TSNARE1: variants seen among roughly 807,000 people sequenced by gnomAD.
TSNARE1 encodes the protein t-SNARE domain-containing protein 1.
In TSNARE1, 49 loss-of-function variants were observed where a neutral mutation model predicts 62.0. The ratio of observed to expected loss-of-function variants is 0.79; its 90% CI spans 0.63 to 1.00. TSNARE1 has a LOEUF of 1.00. Ranked by LOEUF, TSNARE1 falls within the 50% of genes least tolerant of loss-of-function variation. TSNARE1 has a pLI of 0.00. For missense variants in TSNARE1, 755 were observed against 700.1 expected, an observed-to-expected ratio of 1.08 and a Z score of -0.88; for synonymous variants, 328 against 294.4, an observed-to-expected ratio of 1.11 and a Z score of -1.17.
At chr8:142,390,049 AT>A (rs1837377927) in intron 1 of TSNARE1, among the ~76,000 whole-genome samples, 1 of 152,260 alleles carries the variant, frequency 6.6e-6, no homozygotes, top group African/African-American at 2.4e-5. Flanking sequence ...GAATCTGCAT[AT>A]CTATACATAT....
At chr8:142,214,977 C>A (rs375360723) in intron 13 of TSNARE1, among the ~76,000 whole-genome samples, 6 of 152,196 alleles carry the variant, frequency 3.9e-5, no homozygotes, top group Non-Finnish European at 8.8e-5. Context: ...CCGACAAGGG[C>A]TCCCTCCCCC....
At chr8:142,318,417 G>A in intron 7 of TSNARE1, 127 bp downstream of exon 7, 1 of 924,110 alleles carries the variant, frequency 1.1e-6, no homozygotes, top group South Asian at 1.6e-5. Flanking sequence ...TGGGTGCCAG[G>A]CCAGTCTGTG....
At position 142,319,024 on chromosome 8, in the gene TSNARE1, G is replaced by A. The variant is rs1829053300; in HGVS notation, c.894-390C>T. Among the ~76,000 whole-genome samples, 1 of 151,770 alleles carries A rather than the reference G, an allele frequency of 6.6e-6. No individual in the cohort carries two copies. Among genetic ancestry groups the A allele is most frequent in the Non-Finnish European group, 1.5e-5 (1 of 67,934 alleles). ...GACGGGGGAGACGGGCAGACACACA[G>A]CAAGAGGCAGTGGGGGCAGAAAGGC... On this transcript the variant is annotated intron_variant, in intron 6 of 13. Transcript: ENST00000524325. The surrounding 1 kb of genome is among the most constrained non-coding windows in gnomAD (Gnocchi z 4.9).
chr8:142,403,943 C>T (rs1838494565), upstream of TSNARE1: 2 of 152,274 alleles, frequency 1.3e-5, no homozygotes, highest in Non-Finnish European at 2.9e-5. Flanking sequence ...TGGGAGGAAC[C>T]TGCGGACAAT....
chr8:142,374,204 T>C (rs1367454762), intron 1 of TSNARE1, among the ~76,000 whole-genome samples: 1 of 150,836 alleles, frequency 6.6e-6, no homozygotes, highest in Non-Finnish European at 1.5e-5. Flanking sequence ...CTGGGGAGGC[T>C]GAGGCAGGAG....
chr8:142,270,647 A>G (rs1819447337), intron 12 of TSNARE1: 2 of 985,370 alleles, frequency 2.0e-6, no homozygotes, highest in Non-Finnish European at 1.2e-6. Flanking sequence ...TTCAGGAGTC[A>G]CACCAGATCA....
intron 12 of TSNARE1, chr8:142,270,605 A>G: frequency 1.0e-6 from 1 of 985,172 alleles, no homozygotes; most frequent in Non-Finnish European, 1.2e-6. Context: ...CCTGCCCTCC[A>G]AGTGTGCATG....
At chr8:142,332,883 A>G (rs1831252999) in intron 4 of TSNARE1, among the ~76,000 whole-genome samples, 1 of 152,210 alleles carries the variant, frequency 6.6e-6, no homozygotes. Context: ...CCCAGCTCCC[A>G]GCAGCTTGAT....
At chr8:142,346,813 C>CA (rs1315571431) in intron 2 of TSNARE1, among the ~76,000 whole-genome samples, 1 of 152,244 alleles carries the variant, frequency 6.6e-6, no homozygotes, top group Non-Finnish European at 1.5e-5. Context: ...GCCCTTCATA[C>CA]AACCCTCAGA....
intron 10 of TSNARE1, among the ~76,000 whole-genome samples, chr8:142,299,925 A>G (rs907012892): frequency 5.3e-5 from 8 of 152,272 alleles, no homozygotes; most frequent in African/African-American, 1.9e-4. Flanking sequence ...TAAGCATTAT[A>G]CATGTGTAAA....
intron 13 of TSNARE1, among the ~76,000 whole-genome samples, chr8:142,220,680 G>A (rs148934978): frequency 1.0e-3 from 155 of 152,278 alleles, no homozygotes; most frequent in African/African-American, 3.1e-3. Flanking sequence ...CTATGGTCAC[G>A]CCCCAAAGGC....
intron 1 of TSNARE1, among the ~76,000 whole-genome samples, chr8:142,382,443 C>T (rs904601446): frequency 1.3e-5 from 2 of 152,144 alleles, no homozygotes; most frequent in Non-Finnish European, 2.9e-5. Flanking sequence ...CGGCACTGCC[C>T]GCCAGTCCCT....
intron 1 of TSNARE1, among the ~76,000 whole-genome samples, chr8:142,379,641 G>A (rs1325955053): frequency 1.3e-5 from 2 of 152,134 alleles, no homozygotes; most frequent in Non-Finnish European, 2.9e-5. Flanking sequence ...ACGGGGAGGC[G>A]CGAGACCACA....
In TSNARE1 at chr8:142,345,739, G is replaced by C; in HGVS notation, c.238+4C>G. Reference sequence around the variant, plus strand: ...CCCTGAGACCCAGCGTCTGAGTGAAGTACCTCGCTTCCTGGCCCTTGGGAC... The same window carrying C: ...CCCTGAGACCCAGCGTCTGAGTGAACTACCTCGCTTCCTGGCCCTTGGGAC... On this transcript the variant is annotated splice_donor_region_variant and intron_variant, in intron 3 of 13. Coordinates refer to ENST00000524325, the MANE Select transcript of TSNARE1 (RefSeq NM_145003.5). 1 of 1,596,772 alleles carries C rather than the reference G, an allele frequency of 6.3e-7. No homozygotes were observed.
In TSNARE1 at chr8:142,230,985, A is replaced by G. The variant is rs536680333; in HGVS notation, c.1447-1406T>C. Among the ~76,000 whole-genome samples the G allele has an allele frequency of 3.8e-3, 563 of 146,306 alleles. 4 individuals are homozygous for G. Among genetic ancestry groups the G allele is most frequent in the African/African-American group, 0.014 (531 of 39,176 alleles). ...CAACCATCCATCCATCCATCCATCC[A>G]TTCAACCATCCATCCATCTACCCAC... is the stretch of plus-strand genomic sequence containing the variant. On this transcript the variant is annotated intron_variant, in intron 12 of 13. Transcript: ENST00000524325.
At chr8:142,342,070 G>T (rs975476913) in intron 4 of TSNARE1, among the ~76,000 whole-genome samples, 1 of 152,228 alleles carries the variant, frequency 6.6e-6, no homozygotes, top group Non-Finnish European at 1.5e-5. Context: ...CCCTGTCCTC[G>T]GACACAGCAA....
rs1426070061 is a variant in TSNARE1, at chr8:142,218,052, G to A, written c.*12-5739C>T. 2.0e-4 allele frequency among the ~76,000 whole-genome samples: 16 copies of A among 80,822 alleles called. 2 individuals carry two copies. The highest frequency in any genetic ancestry group is 2.3e-4 in the African/African-American group (4 of 17,238). The allele number at this position is 80,822 out of a possible 152,430, so 53.0% of individuals were successfully genotyped here. On this transcript the variant is annotated intron_variant, in intron 13 of 13. Coordinates refer to ENST00000524325, the MANE Select transcript of TSNARE1 (RefSeq NM_145003.5). ...GGGCCCAGTATGTGACCAGGATCAG[G>A]GCTCAGAGTGTGAGCAGGATCAGGG...
Position 142,319,310 on chromosome 8 carries a change from C to G in TSNARE1, c.894-676G>C, listed in dbSNP as rs566674636. The stretch of plus-strand genomic sequence containing the variant: ...CCAGGGAGGCCAGCAGTCCCCACCC[C>G]CCTGCACACCTCTGAGGGGTGCACA... On this transcript the variant is annotated intron_variant, in intron 6 of 13. Transcript: ENST00000524325. This position sits in a 1 kb window ranked among gnomAD's most constrained non-coding sequence, Gnocchi z 4.9. Among the ~76,000 whole-genome samples, 28 of 152,134 alleles carry G rather than the reference C, an allele frequency of 1.8e-4. No homozygotes were observed. The highest frequency in any genetic ancestry group is 6.7e-4 in the African/African-American group (28 of 41,532).
intron 6 of TSNARE1, among the ~76,000 whole-genome samples, chr8:142,325,536 G>C (rs1325011348): frequency 6.6e-6 from 1 of 152,210 alleles, no homozygotes; most frequent in African/African-American, 2.4e-5. Context: ...CAGCTCAAGA[G>C]GAGTGGACAG....
Sources: gnomAD v4.1 joint callset for allele counts (sites outside exome capture counted in the v4.1 genomes callset) on GRCh38, gnomAD v4.1.1 for gene constraint, Gnocchi (gnomAD v3.1) non-coding constraint, MANE v1.5 for transcripts, NCBI Gene and HGNC (gene_info 2026-07-23, HGNC 2026-07-21) for gene names.